Variants in ZNRF3 observed in about 807,000 individuals in gnomAD.
ZNRF3 encodes the protein zinc and ring finger 3.
ZNRF3 carries 23 observed loss-of-function variants against 72.5 expected under a neutral mutation model. The observed-to-expected ratio is 0.32, with a 90% CI of 0.23 to 0.45. The LOEUF (loss-of-function observed/expected upper bound fraction) is 0.45. Among genes scored for constraint, ZNRF3 ranks in the 20% least tolerant of loss-of-function variants. The pLI is 1.00. For synonymous variants in ZNRF3, 610 were observed against 545.3 expected (o/e 1.12, Z -1.65); for missense variants, 1,169 against 1,272.1 (o/e 0.92, Z 1.23).
chr22:29,003,315 G>C (rs2036184470), intron 2 of ZNRF3, among the ~76,000 whole-genome samples: 1 of 152,024 alleles, frequency 6.6e-6, no homozygotes, highest in Non-Finnish European at 1.5e-5. Context: ...AGGAGATAGA[G>C]ACCATCCTGG....
intron 1 of ZNRF3, among the ~76,000 whole-genome samples, chr22:28,966,867 C>CTTTTTTTTTTTTTTTTT (rs530036984): frequency 9.8e-6 from 1 of 102,460 alleles, no homozygotes; most frequent in Non-Finnish European, 1.9e-5. Flanking sequence ...TTTTAAAAAT[C>CTTTTTTTTTTTTTTTTT]TTTTTTTTTT....
chr22:29,039,181 G>A (rs756655685), intron 2 of ZNRF3, among the ~76,000 whole-genome samples: 2 of 152,134 alleles, frequency 1.3e-5, no homozygotes, highest in East Asian at 3.8e-4. Context: ...TGCTTCATCC[G>A]GAACCTCTGA....
intron 2 of ZNRF3, among the ~76,000 whole-genome samples, chr22:29,039,883 C>T (rs1278908285): frequency 6.6e-6 from 1 of 151,908 alleles, no homozygotes; most frequent in Admixed American, 6.6e-5. Context: ...CATTCGAGGC[C>T]AGGAGTTTGA....
Position 29,050,912 on chromosome 22 carries a change from A to G in ZNRF3, c.2731A>G (p.Thr911Ala), listed in dbSNP as rs1322825892. 4 of 1,549,156 alleles carry G rather than the reference A, an allele frequency of 2.6e-6. No individual in the cohort carries two copies. The South Asian group carries it at 4.9e-5, about 19-fold the overall frequency. The change falls in exon 8 of 9, where the codon ACT becomes GCT. Residue 911 changes from threonine (T) to alanine (A), a missense_variant. Transcript: ENST00000544604. The part of the protein sequence containing the change: ...RANFPSALQD[T>A]QESSTTATEA... ...CAACTTCCCTAGTGCCCTCCAGGAC[A>G]CTCAGGAGTCCAGCACCACTGCCAC... is the stretch of plus-strand genomic sequence containing the variant.
chr22:29,043,559 G>A, intron 4 of ZNRF3, 129 bp downstream of exon 4: 1 of 1,200,348 alleles, frequency 8.3e-7, no homozygotes, highest in Non-Finnish European at 1.2e-6. Flanking sequence ...TGCAGGCTTA[G>A]ATCAGCTATT....
At chr22:28,980,231 G>A (rs552283223) in intron 1 of ZNRF3, among the ~76,000 whole-genome samples, 35 of 152,242 alleles carry the variant, frequency 2.3e-4, no homozygotes, top group Non-Finnish European at 3.8e-4. Flanking sequence ...GGGTGGAGGG[G>A]GGGAAGGGGA....
At chr22:28,925,762 C>T (rs1324146284) in intron 1 of ZNRF3, among the ~76,000 whole-genome samples, 2 of 152,168 alleles carry the variant, frequency 1.3e-5, no homozygotes, top group Non-Finnish European at 2.9e-5. Flanking sequence ...TGAATCACTA[C>T]AGCCTCAACT....
Position 29,053,623 on chromosome 22 carries a change from G to A in ZNRF3, c.*1G>A, listed in dbSNP as rs754079534. 6.2e-7 allele frequency: 1 copy of A among 1,613,288 alleles called. No homozygotes were observed. The highest frequency in any genetic ancestry group is 1.1e-5 in the South Asian group (1 of 91,000). ...AGACAGCAGCAGCCCGGGAGCCTGA[G>A]CTCAGGAGGAACTCTTACCTGGAAA... On this transcript the variant is annotated 3_prime_UTR_variant, in exon 9 of 9. Transcript: ENST00000544604.
intron 1 of ZNRF3, among the ~76,000 whole-genome samples, chr22:28,933,729 C>A (rs2034760194): frequency 1.8e-5 from 1 of 55,280 alleles, no homozygotes; most frequent in Non-Finnish European, 3.7e-5. Context: ...CCCCACCCCC[C>A]CCACACACAC....
chr22:29,045,273 A>T (rs1261452684), intron 5 of ZNRF3, among the ~76,000 whole-genome samples: 1 of 150,726 alleles, frequency 6.6e-6, no homozygotes, highest in Non-Finnish European at 1.5e-5. Context: ...AGGTGGGAGG[A>T]TCACTTGAGC....
At chr22:28,939,104 G>A (rs867201070) in intron 1 of ZNRF3, among the ~76,000 whole-genome samples, 2 of 152,160 alleles carry the variant, frequency 1.3e-5, no homozygotes, top group South Asian at 2.1e-4. Flanking sequence ...GGCCAACATG[G>A]CAAAACTCCG....
In ZNRF3 at chr22:29,049,360, C is replaced by T. The variant is rs1438566404; in HGVS notation, c.1179C>T (p.Pro393=). ...CAAGCATGGACTCCCACGGCAACCC[C>T]GTCACCTTGCTGACCATGGACCGGC... is the stretch of plus-strand genomic sequence containing the variant. ...TRTSMDSHGN[P]VTLLTMDRHG... is the part of the protein sequence containing the mutation. The change falls in exon 8 of 9, where the codon CCC becomes CCT. Residue 393 remains proline, a synonymous_variant. Transcript: ENST00000544604. The surrounding 1 kb of genome is among the most constrained non-coding windows in gnomAD (Gnocchi z 5.2). 2.5e-6 allele frequency: 4 copies of T among 1,613,548 alleles called. No homozygotes were observed. The highest frequency in any genetic ancestry group is 2.2e-5 in the East Asian group (1 of 44,862).
At chr22:28,927,876 T>C (rs1360600555) in intron 1 of ZNRF3, among the ~76,000 whole-genome samples, 3 of 152,362 alleles carry the variant, frequency 2.0e-5, no homozygotes, top group African/African-American at 4.8e-5. Context: ...TGACTTTGCA[T>C]TGGGCTCCTA....
intron 1 of ZNRF3, among the ~76,000 whole-genome samples, chr22:28,937,202 TATATATATATATA>T (rs1308240577): frequency 0.031 from 103 of 3,306 alleles, no homozygotes; most frequent in African/African-American, 0.041. Flanking sequence ...TATATATATA[TATATATATATATA>T]TTTTTTTTTT....
chr22:29,006,232 T>TTTTTTA (rs2036241920), intron 2 of ZNRF3, among the ~76,000 whole-genome samples: 2 of 126,234 alleles, frequency 1.6e-5, no homozygotes, highest in South Asian at 2.7e-4. Flanking sequence ...TTTTTTTTTT[T>TTTTTTA]GAGACAGTTT....
At chr22:29,043,230 CCTTT>C in intron 3 of ZNRF3, 65 bp from the exon 4 acceptor site, 1 of 1,545,122 alleles carries the variant, frequency 6.5e-7, no homozygotes. Flanking sequence ...TTCCCTCCAG[CCTTT>C]CTTTCTCTCT....
intron 1 of ZNRF3, among the ~76,000 whole-genome samples, chr22:28,947,646 G>T (rs1373896304): frequency 6.6e-6 from 1 of 151,978 alleles, no homozygotes. Context: ...GTACTTATTG[G>T]CCATTCATAT....
At chr22:28,919,049 A>T (rs752792101) in intron 1 of ZNRF3, among the ~76,000 whole-genome samples, 1 of 152,222 alleles carries the variant, frequency 6.6e-6, no homozygotes, top group Non-Finnish European at 1.5e-5. Flanking sequence ...AGACGGAACA[A>T]AGCTTGAATG....
intron 1 of ZNRF3, among the ~76,000 whole-genome samples, chr22:28,974,553 A>C (rs932656389): frequency 1.3e-5 from 2 of 152,278 alleles, no homozygotes; most frequent in African/African-American, 4.8e-5. Flanking sequence ...AATCCAAAAA[A>C]GAAAAAATCT....
Sources: gnomAD v4.1 joint callset for allele counts (sites outside exome capture counted in the v4.1 genomes callset) on GRCh38, gnomAD v4.1.1 for gene constraint, Gnocchi (gnomAD v3.1) non-coding constraint, MANE v1.5 for transcripts, NCBI Gene and HGNC (gene_info 2026-07-23, HGNC 2026-07-21) for gene names.